FSHR: variants seen among roughly 807,000 people sequenced by gnomAD.
FSHR encodes the protein follicle stimulating hormone receptor.
Under a neutral mutation model 52.1 loss-of-function variants are expected in FSHR, and 46 were observed. That is an observed-to-expected ratio of 0.88 (90% confidence interval 0.70 to 1.13). The LOEUF is 1.13. FSHR is among the 50% of genes most tolerant of loss of function. The probability of loss-of-function intolerance (pLI) is 0.00; values close to 1 mark genes in which losing one functional copy is unlikely to be tolerated. For missense variants in FSHR, 964 were observed against 834.6 expected (o/e 1.16, Z -1.91); for synonymous variants, 399 against 309.6 (o/e 1.29, Z -3.03).
intron 2 of FSHR, among the ~76,000 whole-genome samples, chr2:49,038,746 A>G (rs6545092): frequency 0.44 from 65,909 of 150,698 alleles, 14,616 homozygotes; most frequent in African/African-American, 0.47. Context: ...TTGCGAGAGG[A>G]AGAGTAGAAT....
At chr2:49,052,887 T>A (rs904927175) in intron 2 of FSHR, among the ~76,000 whole-genome samples, 1 of 152,234 alleles carries the variant, frequency 6.6e-6, no homozygotes, top group Non-Finnish European at 1.5e-5. Context: ...GTTACAGTTC[T>A]GGTTACCTGA....
rs933429881 is a variant in FSHR, at chr2:49,061,243, T to C, written c.224+6976A>G. On this transcript the variant is annotated intron_variant, in intron 2 of 9. Coordinates refer to ENST00000406846, the MANE Select transcript of FSHR (RefSeq NM_000145.4). ...GTGCCATAACAGGTATGCAAGACCA[T>C]AAGCCTGGGACCCTGCCCCCATAGC... Among the ~76,000 whole-genome samples, 11 of 152,196 alleles carry C rather than the reference T, an allele frequency of 7.2e-5. No individual in the cohort carries two copies. In the South Asian group the frequency reaches 1.9e-3, roughly 26 times the overall value.
intron 5 of FSHR, 84 bp from the exon 6 acceptor site, chr2:48,989,138 C>CCA: frequency 1.1e-6 from 1 of 946,882 alleles, no homozygotes; most frequent in South Asian, 1.4e-5. Flanking sequence ...TGGCATGATG[C>CCA]GGTCTTCAGC....
At chr2:49,147,006 C>G (rs951936495) in intron 1 of FSHR, among the ~76,000 whole-genome samples, 9 of 152,054 alleles carry the variant, frequency 5.9e-5, no homozygotes, top group Admixed American at 5.9e-4. Flanking sequence ...TCATGTCACT[C>G]TGAAGACTAA....
chr2:49,019,932 C>T (rs1324186207), intron 3 of FSHR, among the ~76,000 whole-genome samples, 154 bp downstream of exon 3: 1 of 152,180 alleles, frequency 6.6e-6, no homozygotes, highest in Non-Finnish European at 1.5e-5. Context: ...GATAGAGACA[C>T]ATTACAGTGC....
intron 2 of FSHR, among the ~76,000 whole-genome samples, chr2:49,063,755 T>C (rs889055634): frequency 2.6e-5 from 4 of 152,128 alleles, no homozygotes; most frequent in African/African-American, 9.7e-5. Context: ...TACTGTTCTA[T>C]AGCACTGTAG....
At chr2:49,111,620 T>C (rs1270338831) in intron 1 of FSHR, among the ~76,000 whole-genome samples, 1 of 152,158 alleles carries the variant, frequency 6.6e-6, no homozygotes, top group Non-Finnish European at 1.5e-5. Context: ...GGAGCCGTTG[T>C]TGCCTGGACG....
intron 2 of FSHR, among the ~76,000 whole-genome samples, chr2:49,021,041 C>A (rs1667678059): frequency 6.6e-6 from 1 of 152,130 alleles, no homozygotes; most frequent in Non-Finnish European, 1.5e-5. Flanking sequence ...CACCATGACA[C>A]ACATTTACCT....
chr2:49,050,669 G>T (rs1467173131), intron 2 of FSHR, among the ~76,000 whole-genome samples: 2 of 152,140 alleles, frequency 1.3e-5, no homozygotes, highest in South Asian at 2.1e-4. Context: ...CAGTATCCCT[G>T]TCTATACAGT....
chr2:49,083,764 G>A (rs1670265521), intron 1 of FSHR, among the ~76,000 whole-genome samples: 1 of 147,256 alleles, frequency 6.8e-6, no homozygotes, highest in Non-Finnish European at 1.5e-5. Flanking sequence ...TTACATAATG[G>A]TAAAGGGATC....
chr2:49,108,357 A>G (rs1306319566), intron 1 of FSHR, among the ~76,000 whole-genome samples: 1 of 152,088 alleles, frequency 6.6e-6, no homozygotes, highest in African/African-American at 2.4e-5. Context: ...ATCTCTTCCT[A>G]TATGTATATT....
intron 1 of FSHR, among the ~76,000 whole-genome samples, chr2:49,113,447 C>G (rs1671496228): frequency 2.6e-5 from 4 of 152,226 alleles, no homozygotes; most frequent in Non-Finnish European, 1.5e-5. Context: ...AATCCAGCCA[C>G]ATACTCACCT....
At chr2:49,034,677 C>A (rs1053251034) in intron 2 of FSHR, among the ~76,000 whole-genome samples, 13 of 152,134 alleles carry the variant, frequency 8.5e-5, no homozygotes, top group African/African-American at 2.9e-4. Context: ...TTATTATTAT[C>A]CCTGGTGTTA....
chr2:49,014,739 G>C (rs1048985028), intron 4 of FSHR: 3 of 269,526 alleles, frequency 1.1e-5, no homozygotes, highest in African/African-American at 6.9e-5. Context: ...TATTATCATG[G>C]GCTAGGGATA....
intron 1 of FSHR, among the ~76,000 whole-genome samples, chr2:49,147,013 C>A (rs568876891): frequency 6.6e-6 from 1 of 152,168 alleles, no homozygotes; most frequent in African/African-American, 2.4e-5. Flanking sequence ...ACTCTGAAGA[C>A]TAAAAGTATA....
intron 1 of FSHR, among the ~76,000 whole-genome samples, chr2:49,077,664 T>G (rs1487459641): frequency 2.6e-5 from 4 of 152,172 alleles, no homozygotes; most frequent in Non-Finnish European, 5.9e-5. Context: ...TCTGATTATT[T>G]TATAAAACTG....
chr2:48,982,404 T>G (rs1675292439), intron 8 of FSHR, among the ~76,000 whole-genome samples: 1 of 152,198 alleles, frequency 6.6e-6, no homozygotes, highest in Non-Finnish European at 1.5e-5. Flanking sequence ...TATATAGGTC[T>G]CATTGGGTTG....
chr2:49,148,193 G>C (rs1475544047), intron 1 of FSHR, among the ~76,000 whole-genome samples: 1 of 151,958 alleles, frequency 6.6e-6, no homozygotes, highest in African/African-American at 2.4e-5. Flanking sequence ...TAAGTCAAGA[G>C]AATTGAATGA....
At chr2:49,062,309 T>C (rs1669341262) in intron 2 of FSHR, among the ~76,000 whole-genome samples, 1 of 152,092 alleles carries the variant, frequency 6.6e-6, no homozygotes. Context: ...GAACGTTCAT[T>C]GGGGAAAGGA....
Sources: allele counts gnomAD v4.1 joint callset (sites outside exome capture counted in the v4.1 genomes callset), GRCh38; gene constraint gnomAD v4.1.1; transcripts MANE v1.5; gene names NCBI Gene and HGNC (gene_info 2026-07-23, HGNC 2026-07-21).